The following SND1 variants were observed in gnomAD, a reference collection of about 807,000 sequenced individuals.
SND1 encodes the protein staphylococcal nuclease domain-containing protein 1.
SND1 carries 38 observed loss-of-function variants against 121.7 expected under a neutral mutation model. The observed-to-expected ratio is 0.31, with a 90% confidence interval of 0.24 to 0.41. The LOEUF (loss-of-function observed/expected upper bound fraction) is 0.41, where lower values mean the gene tolerates loss of function less well. SND1 is among the 10% of genes least tolerant of loss of function. The pLI is 1.00. For synonymous variants in SND1, 401 were observed against 447.4 expected, an observed-to-expected ratio of 0.90 and a Z score of 1.31; for missense variants, 868 against 1,184.6, an observed-to-expected ratio of 0.73 and a Z score of 3.92.
At chr7:127,707,496 T>C in intron 8 of SND1, 61 bp from the exon 9 acceptor site, 1 of 1,342,872 alleles carries the variant, frequency 7.4e-7, no homozygotes, top group Non-Finnish European at 1.1e-6. Flanking sequence ...TGTGCTCCCA[T>C]GGTAGTGGTG....
intron 16 of SND1, among the ~76,000 whole-genome samples, chr7:128,059,943 G>A (rs139866776): frequency 4.6e-5 from 7 of 152,296 alleles, no homozygotes; most frequent in African/African-American, 7.2e-5. Flanking sequence ...AAAATAGCCC[G>A]TTCAGAGGGC....
intron 14 of SND1, among the ~76,000 whole-genome samples, chr7:127,917,097 C>G (rs941010591): frequency 6.6e-6 from 1 of 152,222 alleles, no homozygotes; most frequent in African/African-American, 2.4e-5. Context: ...TCTCTGCCAT[C>G]ACTTACGCAC....
chr7:127,900,193 ATG>A, intron 13 of SND1, among the ~76,000 whole-genome samples: 1 of 152,322 alleles, frequency 6.6e-6, no homozygotes, highest in East Asian at 1.9e-4. Context: ...GACGTGCACT[ATG>A]TCCCCAGGTT....
intron 11 of SND1, among the ~76,000 whole-genome samples, chr7:127,839,492 TATC>T (rs1798925962): frequency 6.6e-6 from 1 of 152,172 alleles, no homozygotes; most frequent in Non-Finnish European, 1.5e-5. Context: ...GGCGTTTTGT[TATC>T]ATCAGCATCA....
intron 11 of SND1, among the ~76,000 whole-genome samples, chr7:127,833,681 T>TGAGA (rs149925222): frequency 8.9e-4 from 133 of 149,298 alleles, no homozygotes; most frequent in African/African-American, 3.1e-3. Flanking sequence ...CCTGGGGGGT[T>TGAGA]GAGAGAGAGA....
chr7:127,710,842 C>G (rs181469769), intron 9 of SND1, among the ~76,000 whole-genome samples: 67 of 152,310 alleles, frequency 4.4e-4, no homozygotes, highest in African/African-American at 1.5e-3. Flanking sequence ...AGTGCTCTTA[C>G]CCAGTTCTTC....
intron 12 of SND1, among the ~76,000 whole-genome samples, chr7:127,866,979 G>C (rs1457050637): frequency 6.6e-6 from 1 of 151,956 alleles, no homozygotes; most frequent in Admixed American, 6.6e-5. Context: ...CAGTTCTTTT[G>C]TTCTCCTTGG....
intron 1 of SND1, among the ~76,000 whole-genome samples, chr7:127,668,098 A>T (rs2116254724): frequency 6.6e-6 from 1 of 152,304 alleles, no homozygotes; most frequent in South Asian, 2.1e-4. Flanking sequence ...TCTGAAGGAG[A>T]CTATAGAACA....
At chr7:128,014,954 C>T (rs1466496264) in intron 16 of SND1, among the ~76,000 whole-genome samples, 2 of 152,144 alleles carry the variant, frequency 1.3e-5, no homozygotes, top group African/African-American at 4.8e-5. Flanking sequence ...CAGCTTCCTA[C>T]CCTCCCTCTA....
intron 10 of SND1, among the ~76,000 whole-genome samples, chr7:127,774,437 G>A (rs987910158): frequency 3.3e-5 from 5 of 152,130 alleles, no homozygotes; most frequent in South Asian, 2.1e-4. Context: ...AAAGTCTATC[G>A]TAGTGTACAG....
At chr7:128,044,683 A>G (rs1051785582) in intron 16 of SND1, among the ~76,000 whole-genome samples, 2 of 118,762 alleles carry the variant, frequency 1.7e-5, no homozygotes, top group Non-Finnish European at 3.2e-5. Flanking sequence ...CCGTCTTCTC[A>G]TTCCTACTCC....
At chr7:127,665,440 G>A (rs1372600575) in intron 1 of SND1, among the ~76,000 whole-genome samples, 1 of 152,072 alleles carries the variant, frequency 6.6e-6, no homozygotes, top group Admixed American at 6.6e-5. Flanking sequence ...GCCCACCTTG[G>A]CCTCCCGAAG....
At chr7:127,913,857 TA>T (rs1800511568) in intron 14 of SND1, among the ~76,000 whole-genome samples, 1 of 152,212 alleles carries the variant, frequency 6.6e-6, no homozygotes, top group Non-Finnish European at 1.5e-5. Context: ...CATTTCAAAG[TA>T]AGTAATTTCA....
In SND1 at chr7:127,900,523, C is replaced by T. The variant is rs564990996; in HGVS notation, c.1455-4224C>T. ...GTGCTGAGGCCATGGAGATGATCTCCCTGCAAAAATGTTGTCTGCCTTTGC... is the reference window on the plus strand; with the variant it reads ...GTGCTGAGGCCATGGAGATGATCTCTCTGCAAAAATGTTGTCTGCCTTTGC... On this transcript the variant is annotated intron_variant, in intron 13 of 23. Coordinates refer to ENST00000354725, the MANE Select transcript of SND1 (RefSeq NM_014390.4). Among the ~76,000 whole-genome samples, 5 of 152,256 alleles carry T rather than the reference C, an allele frequency of 3.3e-5. No individual in the cohort carries two copies. In the South Asian group the frequency reaches 1.0e-3, roughly 32 times the overall value.
At position 128,051,315 on chromosome 7, in the gene SND1, A is replaced by G. The variant is rs10234112; in HGVS notation, c.1780-23187A>G. On this transcript the variant is annotated intron_variant, in intron 16 of 23. Transcript: ENST00000354725. ...GTTAGAACAGAAAAATCAAAGTTCAATATCTCCTGTAAGTATGAGAGAGAG... is the reference window on the plus strand; with the variant it reads ...GTTAGAACAGAAAAATCAAAGTTCAGTATCTCCTGTAAGTATGAGAGAGAG... 7.1e-4 allele frequency among the ~76,000 whole-genome samples: 108 copies of G among 151,092 alleles called. 1 individual carries two copies. The highest frequency in any genetic ancestry group is 2.3e-3 in the African/African-American group (95 of 40,462).
chr7:127,830,686 A>T (rs939248810), intron 11 of SND1, among the ~76,000 whole-genome samples: 2 of 152,106 alleles, frequency 1.3e-5, no homozygotes, highest in African/African-American at 4.8e-5. Context: ...AATCATCTTC[A>T]CATTCTCATT....
At chr7:127,930,688 G>C (rs1220638334) in intron 15 of SND1, among the ~76,000 whole-genome samples, 1 of 152,230 alleles carries the variant, frequency 6.6e-6, no homozygotes, top group African/African-American at 2.4e-5. Context: ...CTGAAAGGCA[G>C]TGTGGCAGTT....
rs754152622 is a variant in SND1, at chr7:128,029,463, C to A, written c.1779+38407C>A. 1.4e-5 allele frequency: 22 copies of A among 1,614,192 alleles called. No individual in the cohort carries two copies. In the South Asian group the frequency reaches 1.9e-4, roughly 14 times the overall value. On this transcript the variant is annotated intron_variant, in intron 16 of 23. Transcript: ENST00000354725. This position sits in a 1 kb window ranked among gnomAD's most constrained non-coding sequence, Gnocchi z 4.2. The stretch of plus-strand genomic sequence containing the variant: ...GATCCTTGGGTGGCGGGAGGCGTGG[C>A]TGAGCACTGTCCCATTGGGCAGCAA...
rs148125780 is a variant in SND1, at chr7:128,029,446, G to A, written c.1779+38390G>A. 3,584 of 1,614,210 alleles carry A rather than the reference G, an allele frequency of 2.2e-3. 13 individuals are homozygous for A. Among genetic ancestry groups the A allele is most frequent in the Non-Finnish European group, 2.3e-3 (2,755 of 1,180,034 alleles). On this transcript the variant is annotated intron_variant, in intron 16 of 23. Transcript: ENST00000354725. The surrounding 1 kb of genome is among the most constrained non-coding windows in gnomAD (Gnocchi z 4.2). The stretch of plus-strand genomic sequence containing the variant: ...CCGTCGTTGAGGACAGAGATCCTTG[G>A]GTGGCGGGAGGCGTGGCTGAGCACT...
Sources: allele counts gnomAD v4.1 joint callset (sites outside exome capture counted in the v4.1 genomes callset), GRCh38; gene constraint gnomAD v4.1.1; non-coding constraint Gnocchi (gnomAD v3.1); transcripts MANE v1.5; gene names NCBI Gene and HGNC (gene_info 2026-07-23, HGNC 2026-07-21).